The following NCALD variants were observed in gnomAD, a reference collection of about 807,000 sequenced individuals.
NCALD encodes neurocalcin-delta.
In NCALD, 10 loss-of-function variants were observed where a neutral mutation model predicts 18.6. That is an observed-to-expected ratio of 0.54 (90% confidence interval 0.33 to 0.91). The LOEUF (loss-of-function observed/expected upper bound fraction) is 0.91. Among genes scored for constraint, NCALD ranks in the 40% least tolerant of loss-of-function variants. NCALD has a pLI of 0.03. For synonymous variants in NCALD, 88 were observed against 87.4 expected, an observed-to-expected ratio of 1.01 and a Z score of -0.04; for missense variants, 184 against 247.6, an observed-to-expected ratio of 0.74 and a Z score of 1.72.
rs112339838 is a variant in NCALD at position 101,933,348 on chromosome 8, C to T, written c.-156-17490G>A. Among the ~76,000 whole-genome samples the T allele has an allele frequency of 5.3e-3, 808 of 152,262 alleles. 6 individuals are homozygous for T. The highest frequency in any genetic ancestry group is 0.018 in the African/African-American group (757 of 41,552). ...GGAGAAAGCACTGGGATGATGGAAG[C>T]GGAGATTGGCAGGATGCAGCCAGGA... On this transcript the variant is annotated intron_variant, in intron 2 of 6. Transcript: ENST00000311028.
rs533829299 is a variant in NCALD at position 102,081,575 on chromosome 8, A to ACCCC, written c.-210+42661_-210+42662insGGGG. 1.1e-3 allele frequency among the ~76,000 whole-genome samples: 54 copies of ACCCC among 51,204 alleles called. 1 individual carries two copies. The highest frequency in any genetic ancestry group is 4.6e-4 in the Non-Finnish European group (12 of 26,310). 33.6% of individuals were successfully genotyped at this position (51,204 alleles called of 152,430 possible). A position where few individuals can be genotyped will look rare whatever the true frequency, so the allele number is the denominator to read the frequency against. ...AAAAAAAAAAAAAAAAAAAAAAAAAAACCCCAAAAAAAACTGGCTTTGCGC... is the reference window on the plus strand; with the variant it reads ...AAAAAAAAAAAAAAAAAAAAAAAAAACCCCACCCCAAAAAAAACTGGCTTTGCGC... On this transcript the variant is annotated intron_variant, in intron 1 of 6. Coordinates refer to the NCALD transcript ENST00000311028.
At chr8:101,880,688 C>CA (rs879353658) in intron 4 of NCALD, among the ~76,000 whole-genome samples, 4 of 151,750 alleles carry the variant, frequency 2.6e-5, no homozygotes, top group South Asian at 2.1e-4. Flanking sequence ...AAGCATTATA[C>CA]AAAAAAAAGA....
At chr8:102,002,343 T>G (rs1821507286) in intron 2 of NCALD, among the ~76,000 whole-genome samples, 1 of 152,158 alleles carries the variant, frequency 6.6e-6, no homozygotes, top group South Asian at 2.1e-4. Context: ...TAAATATATA[T>G]GCACCCAATA....
chr8:102,013,685 G>T (rs1228119706), intron 2 of NCALD, among the ~76,000 whole-genome samples: 1 of 152,056 alleles, frequency 6.6e-6, no homozygotes, highest in Non-Finnish European at 1.5e-5. Context: ...TAATGATGTT[G>T]CCAGATGTTT....
At chr8:101,698,917 G>C (rs2130095120) in intron 2 of NCALD, among the ~76,000 whole-genome samples, 1 of 152,210 alleles carries the variant, frequency 6.6e-6, no homozygotes, top group Admixed American at 6.5e-5. Flanking sequence ...AGCCAAAACT[G>C]ACAAATGGGA....
At chr8:101,961,214 A>T (rs561698988) in intron 2 of NCALD, among the ~76,000 whole-genome samples, 2 of 152,316 alleles carry the variant, frequency 1.3e-5, no homozygotes, top group South Asian at 4.1e-4. Flanking sequence ...AAATGAGATA[A>T]TATAAGTAAA....
At chr8:101,690,938 T>A in intron 3 of NCALD, 1 of 985,452 alleles carries the variant, frequency 1.0e-6, no homozygotes, top group Non-Finnish European at 1.2e-6. Context: ...GCATGACGTC[T>A]GGCTTTCTTC....
chr8:101,817,588 GAA>G (rs1399338695), intron 4 of NCALD, among the ~76,000 whole-genome samples: 1 of 139,192 alleles, frequency 7.2e-6, no homozygotes, highest in Non-Finnish European at 1.6e-5. Flanking sequence ...AAAAAAAAAG[GAA>G]AGAGACTGAA....
rs971038677 is a variant in NCALD at position 101,895,731 on chromosome 8, G to C, written c.-106-8504C>G. 2.2e-4 allele frequency among the ~76,000 whole-genome samples: 32 copies of C among 148,688 alleles called. 1 individual carries two copies. Among genetic ancestry groups the C allele is most frequent in the African/African-American group, 8.0e-4 (31 of 38,522 alleles). ...CTTATACACCAACAACAGACAAAGA[G>C]AGAGCCAAATCATGAGTGAACTCCC... On this transcript the variant is annotated intron_variant, in intron 3 of 6. Transcript: ENST00000311028.
At chr8:102,078,403 G>A (rs1346673977) in intron 1 of NCALD, among the ~76,000 whole-genome samples, 2 of 152,242 alleles carry the variant, frequency 1.3e-5, no homozygotes, top group East Asian at 3.9e-4. Context: ...TTAAAAATGT[G>A]AATCATGATC....
At chr8:101,715,003 CAA>C (rs1297532566) in intron 2 of NCALD, among the ~76,000 whole-genome samples, 17 of 103,152 alleles carry the variant, frequency 1.6e-4, no homozygotes, top group Admixed American at 6.8e-4. Flanking sequence ...GACTCCGTCT[CAA>C]AAAAAAAAAA....
rs1369460010 is a variant in NCALD, at chr8:101,790,958, T to TGTGGTC, written c.-117_-116insGACCAC. The TGTGGTC allele has an allele frequency of 6.6e-6, 1 of 152,318 alleles. No homozygotes were observed. 9.4% of individuals were successfully genotyped at this position (152,318 alleles called of 1,614,324 possible). ...GCAAGGTCCAGCATCCACCAGATTC[T>TGTGGTC]CACAAGCCTTTGACTGTGTGGACTC... On this transcript the variant is annotated 5_prime_UTR_variant, in exon 1 of 4. Transcript: ENST00000220931.
At chr8:101,813,492 C>T (rs530198537) in intron 4 of NCALD, among the ~76,000 whole-genome samples, 42 of 152,180 alleles carry the variant, frequency 2.8e-4, no homozygotes, top group African/African-American at 7.7e-4. Context: ...CACAGCTAGT[C>T]GGTGGCAGAT....
chr8:102,086,240 A>G (rs747230776), intron 1 of NCALD, among the ~76,000 whole-genome samples: 3 of 152,226 alleles, frequency 2.0e-5, no homozygotes, highest in Non-Finnish European at 4.4e-5. Flanking sequence ...AAAATACCAC[A>G]GTGTATGATT....
chr8:102,112,976 G>A (rs1825684702), intron 1 of NCALD, among the ~76,000 whole-genome samples: 1 of 148,694 alleles, frequency 6.7e-6, no homozygotes, highest in South Asian at 2.1e-4. Context: ...AGAATTATAA[G>A]CCAAATAAAC....
chr8:101,782,121 T>C (rs1260431826), intron 1 of NCALD, among the ~76,000 whole-genome samples: 1 of 148,604 alleles, frequency 6.7e-6, no homozygotes, highest in African/African-American at 2.4e-5. Context: ...TATATTTATA[T>C]AAATTTTCAT....
chr8:101,986,296 G>A (rs1820809017), intron 2 of NCALD, among the ~76,000 whole-genome samples: 1 of 152,184 alleles, frequency 6.6e-6, no homozygotes, highest in Non-Finnish European at 1.5e-5. Flanking sequence ...CTCCCAAAGT[G>A]CTGGGATTAC....
At chr8:101,893,511 C>T (rs1317132200) in intron 3 of NCALD, among the ~76,000 whole-genome samples, 7 of 133,412 alleles carry the variant, frequency 5.2e-5, no homozygotes, top group Non-Finnish European at 7.9e-5. Context: ...TCACACATAA[C>T]AATATTAACT....
intron 2 of NCALD, among the ~76,000 whole-genome samples, chr8:101,696,557 T>C (rs1355673089): frequency 6.6e-6 from 1 of 152,040 alleles, no homozygotes; most frequent in Non-Finnish European, 1.5e-5. Context: ...TGTGGGGGCG[T>C]TCAGTACACA....
Sources: gnomAD v4.1 joint callset for allele counts (sites outside exome capture counted in the v4.1 genomes callset) on GRCh38, gnomAD v4.1.1 for gene constraint, MANE v1.5 for transcripts, NCBI Gene and HGNC (gene_info 2026-07-23, HGNC 2026-07-21) for gene names.